The following CD81 variants were observed in gnomAD, a reference collection of about 807,000 sequenced individuals.
CD81 encodes the protein CD81 molecule.
In CD81, 10 loss-of-function variants were observed where a neutral mutation model predicts 30.1. The ratio of observed to expected loss-of-function variants is 0.33; its 90% CI spans 0.21 to 0.56. The LOEUF (loss-of-function observed/expected upper bound fraction) is 0.56. Ranked by LOEUF, CD81 falls within the 20% of genes least tolerant of loss-of-function variation. The pLI is 0.89. For synonymous variants in CD81, 147 were observed against 126.4 expected (o/e 1.16, Z -1.10); for missense variants, 263 against 308.7 (o/e 0.85, Z 1.11).
At position 2,396,774 on chromosome 11, in the gene CD81, C is replaced by T. The variant is rs374401660; in HGVS notation, c.649-30C>T. 3.3e-5 allele frequency: 54 copies of T among 1,612,228 alleles called. No homozygotes were observed. The African/African-American group carries it at 5.5e-4, about 16-fold the overall frequency. On this transcript the variant is annotated intron_variant, in intron 7 of 7. Coordinates refer to ENST00000263645, the MANE Select transcript of CD81 (RefSeq NM_004356.4). ...GCTGCCCCTTCCGCGGGGCCTTGTG[C>T]TGACTGCGCCCCCCACCACCCTCCT...
At chr11:2,377,101 T>C (rs1849604907), upstream of CD81, among the ~76,000 whole-genome samples, 1 of 152,054 alleles carries the variant, frequency 6.6e-6, no homozygotes, top group Non-Finnish European at 1.5e-5. The surrounding 1 kb of genome is among the most constrained non-coding windows in gnomAD (Gnocchi z 7.7). Context: ...TGGGGACGCC[T>C]CCCGCGCCCA....
At chr11:2,396,499 AGGGGGT>A in intron 6 of CD81, 123 bp from the exon 7 acceptor site, 1 of 833,292 alleles carries the variant, frequency 1.2e-6, no homozygotes. Flanking sequence ...CGAGGTGGGT[AGGGGGT>A]GGGGGGCTGT....
rs550686533 is a variant in CD81 at position 2,383,520 on chromosome 11, C to T, written c.66+5905C>T. ...ATCTCCAGGGGTACTTCCTCCTTTC[C>T]TTCCTGCCTCAGGGCCTCACTGTCC... On this transcript the variant is annotated intron_variant, in intron 1 of 7. Coordinates refer to ENST00000263645, the MANE Select transcript of CD81 (RefSeq NM_004356.4). Among the ~76,000 whole-genome samples, 5 of 152,306 alleles carry T rather than the reference C, an allele frequency of 3.3e-5. No homozygotes were observed. The South Asian group carries it at 1.0e-3, about 32-fold the overall frequency.
chr11:2,395,753 G>C, intron 5 of CD81, 116 bp from the exon 6 acceptor site: 1 of 807,564 alleles, frequency 1.2e-6, no homozygotes, highest in East Asian at 2.5e-5. Flanking sequence ...CTGGCCCCTG[G>C]ATGCATTCTG....
chr11:2,395,560 G>C lies in CD81; in HGVS notation c.459+40G>C, dbSNP rs755053583. ...GGCGAGGGCGGGGAGCAGGGCCCCG[G>C]GAACCCGGCGGGGTGTGTCTCGTCC... On this transcript the variant is annotated intron_variant, in intron 5 of 7. Transcript: ENST00000263645. 4 of 1,492,348 alleles carry C rather than the reference G, an allele frequency of 2.7e-6. No individual in the cohort carries two copies. The South Asian group carries it at 3.4e-5, about 13-fold the overall frequency. The allele number at this position is 1,492,348 out of a possible 1,614,324, so 92.4% of individuals were successfully genotyped here.
intron 6 of CD81, 66 bp from the exon 7 acceptor site, chr11:2,396,562 C>G: frequency 7.6e-7 from 1 of 1,320,688 alleles, no homozygotes; most frequent in South Asian, 1.2e-5. Context: ...CGGATTACTG[C>G]GTGACAACGG....
chr11:2,377,313 C>T lies in CD81; in HGVS notation c.-237C>T, dbSNP rs1849611324. On this transcript the variant is annotated 5_prime_UTR_variant, in exon 1 of 8. Coordinates refer to ENST00000263645, the MANE Select transcript of CD81 (RefSeq NM_004356.4). The surrounding 1 kb of genome is among the most constrained non-coding windows in gnomAD (Gnocchi z 7.7). ...CTGCGGAGCGAGGCGCGCGCCCGGC[C>T]AGAGAGCGAGCGCGCAACGGCGGCG... is the stretch of plus-strand genomic sequence containing the variant. 6.6e-6 allele frequency: 1 copy of T among 151,216 alleles called. No homozygotes were observed. The highest frequency in any genetic ancestry group is 1.5e-5 in the Non-Finnish European group (1 of 67,664). 9.4% of individuals were successfully genotyped at this position (151,216 alleles called of 1,614,324 possible).
rs963984605 is a variant in CD81 at position 2,396,986 on chromosome 11, C to G, written c.*120C>G. On this transcript the variant is annotated 3_prime_UTR_variant, in exon 8 of 8. Coordinates refer to ENST00000263645, the MANE Select transcript of CD81 (RefSeq NM_004356.4). ...TCCGGTATTACTCTGCTACACGTAG[C>G]CTTTTTACTTTTGGGGTTTTGTTTT... 3.5e-5 allele frequency: 34 copies of G among 959,896 alleles called. No individual in the cohort carries two copies. The Admixed American group carries it at 5.1e-4, about 14-fold the overall frequency. 59.5% of individuals were successfully genotyped at this position (959,896 alleles called of 1,614,324 possible). A position where few individuals can be genotyped will look rare whatever the true frequency, so the allele number is the denominator to read the frequency against.
chr11:2,385,998 T>C (rs1048738988), intron 1 of CD81: 5 of 710,316 alleles, frequency 7.0e-6, no homozygotes, highest in South Asian at 3.0e-5. Flanking sequence ...CAAACTGTTA[T>C]TCAAGGTGGC....
At chr11:2,388,734 C>T (rs186928460) in intron 1 of CD81, among the ~76,000 whole-genome samples, 4,463 of 125,278 alleles carry the variant, frequency 0.036, 96 homozygotes, top group Non-Finnish European at 0.042. Flanking sequence ...CCCTCGTGGC[C>T]CCCCCCGGGT....
intron 1 of CD81, chr11:2,385,809 C>CT: frequency 3.2e-6 from 2 of 634,502 alleles, no homozygotes; most frequent in Non-Finnish European, 5.9e-6. Context: ...GTTCACCGGT[C>CT]AGTGGGCATA....
intron 2 of CD81, chr11:2,392,202 G>A (rs543518643): frequency 1.3e-5 from 2 of 152,440 alleles, no homozygotes; most frequent in Admixed American, 6.5e-5. Flanking sequence ...CAAGGCTTGT[G>A]GCTGGAGCAG....
At chr11:2,385,971 CAGTTTTACA>C (rs1230883595) in intron 1 of CD81, 1 of 698,762 alleles carries the variant, frequency 1.4e-6, no homozygotes, top group Admixed American at 2.0e-5. Flanking sequence ...GCTTAAGCAG[CAGTTTTACA>C]TAACTGCCAA....
chr11:2,383,602 C>G (rs982044372), intron 1 of CD81, among the ~76,000 whole-genome samples: 2 of 152,222 alleles, frequency 1.3e-5, no homozygotes, highest in Non-Finnish European at 2.9e-5. Context: ...CGAATGGGCA[C>G]TTCCCGGTGT....
intron 1 of CD81, chr11:2,385,978 A>G (rs1219029638): frequency 2.8e-6 from 2 of 703,334 alleles, no homozygotes; most frequent in African/African-American, 3.5e-5. Context: ...CAGCAGTTTT[A>G]CATAACTGCC....
At chr11:2,390,223 A>G in intron 1 of CD81, 189 bp from the exon 2 acceptor site, 1 of 661,116 alleles carries the variant, frequency 1.5e-6, no homozygotes, top group Non-Finnish European at 2.8e-6. Flanking sequence ...TGGCGGCCAA[A>G]GCACCCGCCC....
intron 2 of CD81, chr11:2,393,507 A>T: frequency 4.3e-6 from 1 of 233,652 alleles, no homozygotes; most frequent in East Asian, 1.0e-4. Flanking sequence ...AGCCAGGTTC[A>T]AATGCAGGTC....
intron 3 of CD81, among the ~76,000 whole-genome samples, chr11:2,394,590 TC>T (rs1303250089): frequency 1.3e-5 from 2 of 151,604 alleles, no homozygotes; most frequent in Non-Finnish European, 2.9e-5. Flanking sequence ...ATCCCATGGC[TC>T]CCCCTTCCGT....
At position 2,394,911 on chromosome 11, in the gene CD81, G is replaced by A. The variant is rs2133463779; in HGVS notation, c.280-61G>A. On this transcript the variant is annotated intron_variant, in intron 3 of 7. Coordinates refer to ENST00000263645, the MANE Select transcript of CD81 (RefSeq NM_004356.4). The stretch of plus-strand genomic sequence containing the variant: ...ACGCCTGCTGGGCACCTGGGTGTGT[G>A]TCCTTGGGCCCCGCCTACAGCCTGC... 6 of 1,488,022 alleles carry A rather than the reference G, an allele frequency of 4.0e-6. No individual in the cohort carries two copies. In the South Asian group the frequency reaches 5.6e-5, roughly 14 times the overall value. The allele number at this position is 1,488,022 out of a possible 1,614,324, so 92.2% of individuals were successfully genotyped here. A position where few individuals can be genotyped will look rare whatever the true frequency, so the allele number is the denominator to read the frequency against.
Sources: gnomAD v4.1 joint callset for allele counts (sites outside exome capture counted in the v4.1 genomes callset) on GRCh38, gnomAD v4.1.1 for gene constraint, Gnocchi (gnomAD v3.1) non-coding constraint, MANE v1.5 for transcripts, NCBI Gene and HGNC (gene_info 2026-07-23, HGNC 2026-07-21) for gene names.